The following MATR3 variants were observed in gnomAD, a reference collection of about 807,000 sequenced individuals.
MATR3 encodes matrin 3, also known as matrin-3.
A neutral mutation model predicts 85.5 loss-of-function variants in MATR3; 4 were observed. That is an observed-to-expected ratio of 0.05 (90% CI 0.02 to 0.11). The LOEUF (loss-of-function observed/expected upper bound fraction) is 0.11, where lower values mean the gene tolerates loss of function less well. Ranked by LOEUF, MATR3 falls within the 10% of genes least tolerant of loss-of-function variation. MATR3 has a pLI of 1.00. For missense variants in MATR3, 685 were observed against 1,016.1 expected (o/e 0.67, Z 4.43); for synonymous variants, 336 against 343.1 (o/e 0.98, Z 0.23).
At chr5:139,286,401 A>G (rs560209416) in intron 3 of MATR3, among the ~76,000 whole-genome samples, 1 of 151,828 alleles carries the variant, frequency 6.6e-6, no homozygotes, top group Admixed American at 6.5e-5. Flanking sequence ...GCTGGTCTCG[A>G]ACTGCCCTCA....
Position 139,317,447 on chromosome 5 carries a change from A to G in MATR3, c.1183-149A>G, listed in dbSNP as rs2151990100. The G allele has an allele frequency of 2.5e-6, 2 of 786,256 alleles. 1 individual carries two copies. The highest frequency in any genetic ancestry group is 5.3e-5 in the East Asian group (2 of 37,662). The allele number at this position is 786,256 out of a possible 1,614,324, so 48.7% of individuals were successfully genotyped here. ...AAGAACTTACCCAGTGACGTTTGAT[A>G]TGTAGCTTTAAAATTCTCTAGAATG... On this transcript the variant is annotated intron_variant, in intron 6 of 14. Coordinates refer to ENST00000394805, the MANE Select transcript of MATR3 (RefSeq NM_018834.6).
Position 139,321,478 on chromosome 5 carries a change from CTG to C in MATR3, c.1603-417_1603-416del, listed in dbSNP as rs773655018. 2.9e-4 allele frequency among the ~76,000 whole-genome samples: 44 copies of C among 150,698 alleles called. 1 individual carries two copies. The highest frequency in any genetic ancestry group is 2.3e-3 in the Admixed American group (35 of 15,072). Reference sequence around the variant, plus strand: ...CCTGATATTCAGTGAATTTTTAACTCTGTGCTAAAGATTAAAATTTTTAGCCG... The same window carrying C: ...CCTGATATTCAGTGAATTTTTAACTCTGCTAAAGATTAAAATTTTTAGCCG... On this transcript the variant is annotated intron_variant, in intron 9 of 14. Coordinates refer to ENST00000394805, the MANE Select transcript of MATR3 (RefSeq NM_018834.6).
chr5:139,293,942 T>G (rs1753987366), intron 1 of MATR3, 137 bp downstream of exon 1: 5 of 1,210,526 alleles, frequency 4.1e-6, no homozygotes, highest in Non-Finnish European at 5.2e-6. Flanking sequence ...TCTGCCTCCC[T>G]CCGCGTTGCG....
At chr5:139,302,222 C>G (rs989855531) in intron 1 of MATR3, among the ~76,000 whole-genome samples, 3 of 152,122 alleles carry the variant, frequency 2.0e-5, no homozygotes, top group Admixed American at 6.5e-5. Context: ...CTCGGCCTCC[C>G]AAAGTGCAGG....
At position 139,320,479 on chromosome 5, in the gene MATR3, G is replaced by A. The variant is rs138347173; in HGVS notation, c.1602+978G>A. Among the ~76,000 whole-genome samples, 36 of 152,164 alleles carry A rather than the reference G, an allele frequency of 2.4e-4. No individual in the cohort carries two copies. The East Asian group carries it at 6.8e-3, about 29-fold the overall frequency. Reference sequence around the variant, plus strand: ...TTTAACCAGGCAAAGTGGCATGCTCGTACAGTTTTAGCTACGGGAGTCTGA... The same window carrying A: ...TTTAACCAGGCAAAGTGGCATGCTCATACAGTTTTAGCTACGGGAGTCTGA... On this transcript the variant is annotated intron_variant, in intron 9 of 14. Coordinates refer to ENST00000394805, the MANE Select transcript of MATR3 (RefSeq NM_018834.6).
chr5:139,327,434 T>C (rs1755911107), intron 14 of MATR3, among the ~76,000 whole-genome samples: 1 of 152,204 alleles, frequency 6.6e-6, no homozygotes, highest in Non-Finnish European at 1.5e-5. Flanking sequence ...TTTATTTTAT[T>C]TTTTTGAGAC....
intron 10 of MATR3, 87 bp from the exon 11 acceptor site, chr5:139,322,376 T>C: frequency 8.2e-7 from 1 of 1,222,626 alleles, no homozygotes; most frequent in Non-Finnish European, 1.2e-6. Flanking sequence ...GCTGAGTTGA[T>C]TATAGGGATT....
intron 3 of MATR3, 108 bp from the exon 4 acceptor site, chr5:139,315,589 C>T: frequency 2.7e-6 from 2 of 751,772 alleles, no homozygotes; most frequent in Non-Finnish European, 4.8e-6. Flanking sequence ...AACACTTAGA[C>T]TCTCAGATAA....
At position 139,278,053 on chromosome 5, in the gene MATR3, GATCTC is replaced by G. The variant is rs111699103; in HGVS notation, c.-256-992_-256-988del. ...GAGACAAGCCTGGGCAACAGAAAGA[GATCTC>G]ATCTCTATAAAAAACAAAAAAGAAA... On this transcript the variant is annotated intron_variant, in intron 2 of 16. Transcript: ENST00000509990. 4.5e-3 allele frequency among the ~76,000 whole-genome samples: 683 copies of G among 151,850 alleles called. 4 individuals carry two copies. Among genetic ancestry groups the G allele is most frequent in the African/African-American group, 0.016 (647 of 41,396 alleles).
chr5:139,321,854 G>T (rs202152239), intron 9 of MATR3, 44 bp from the exon 10 acceptor site: 2 of 1,597,566 alleles, frequency 1.3e-6, no homozygotes, highest in South Asian at 2.2e-5. Context: ...ATACAATTTT[G>T]TAAAATATAA....
At position 139,317,644 on chromosome 5, in the gene MATR3, T is replaced by C; in HGVS notation, c.1231T>C (p.Leu411=). The change falls in exon 7 of 15, where the codon TTG becomes CTG. Residue 411 remains leucine (L), a synonymous_variant. Transcript: ENST00000394805. ...HIMDFQRGKN[L]RYQLLQLVEP... ...CATGGATTTTCAACGAGGGAAAAAC[T>C]TGAGATACCAGCTATTACAGCTGGT... 1 of 1,611,910 alleles carries C rather than the reference T, an allele frequency of 6.2e-7. No individual in the cohort carries two copies. Among genetic ancestry groups the C allele is most frequent in the Admixed American group, 1.7e-5 (1 of 60,032 alleles).
chr5:139,320,914 ATTT>A (rs5871694), intron 9 of MATR3, among the ~76,000 whole-genome samples: 8 of 118,188 alleles, frequency 6.8e-5, no homozygotes, highest in Admixed American at 8.6e-5. Context: ...CGCCTGGCTA[ATTT>A]TTTTTTTTTT....
In MATR3 at chr5:139,331,237, T is replaced by G. The variant is rs1171887732; in HGVS notation, c.*1842T>G. On this transcript the variant is annotated 3_prime_UTR_variant, in exon 15 of 15. Coordinates refer to ENST00000394805, the MANE Select transcript of MATR3 (RefSeq NM_018834.6). ...CCCGTTGAAAAGTAGGTGATGATTT[T>G]AATGTGACATGCACAAAAAATCCTT... The G allele has an allele frequency of 4.4e-6, 2 of 454,062 alleles. No homozygotes were observed. The highest frequency in any genetic ancestry group is 1.4e-4 in the East Asian group (2 of 14,412). The allele number at this position is 454,062 out of a possible 1,614,324, so 28.1% of individuals were successfully genotyped here.
At chr5:139,304,431 C>CAG (rs527594182) in intron 1 of MATR3, among the ~76,000 whole-genome samples, 163 of 149,620 alleles carry the variant, frequency 1.1e-3, no homozygotes, top group African/African-American at 3.9e-3. Context: ...ACCTAGGAGG[C>CAG]AGAGGTTGCA....
At chr5:139,316,544 C>T (rs988195902) in intron 5 of MATR3, among the ~76,000 whole-genome samples, 21 of 151,970 alleles carry the variant, frequency 1.4e-4, no homozygotes, top group Non-Finnish European at 3.1e-4. Context: ...TGTGCCAGGC[C>T]GCAAATTTTA....
intron 1 of MATR3, among the ~76,000 whole-genome samples, chr5:139,303,152 A>G (rs1403106867): frequency 6.6e-6 from 1 of 151,892 alleles, no homozygotes; most frequent in Non-Finnish European, 1.5e-5. Flanking sequence ...CCCAGGCTGG[A>G]GTGCAGTGCC....
intron 3 of MATR3, chr5:139,279,933 A>G (rs1468101524): frequency 1.3e-5 from 2 of 152,238 alleles, no homozygotes; most frequent in Admixed American, 6.5e-5. Flanking sequence ...TCTTAATCTC[A>G]GAATCTGGCT....
intron 3 of MATR3, among the ~76,000 whole-genome samples, chr5:139,282,493 AGT>A (rs1273468955): frequency 6.6e-6 from 1 of 152,214 alleles, no homozygotes; most frequent in East Asian, 1.9e-4. Flanking sequence ...TCATTGGGAA[AGT>A]ACAGTAAAAA....
chr5:139,290,676 T>C (rs1753844855), upstream of MATR3, among the ~76,000 whole-genome samples: 1 of 151,914 alleles, frequency 6.6e-6, no homozygotes, highest in Non-Finnish European at 1.5e-5. Context: ...TCTTGAACTT[T>C]CTGGCCTCAA....
Sources: allele counts gnomAD v4.1 joint callset (sites outside exome capture counted in the v4.1 genomes callset), GRCh38; gene constraint gnomAD v4.1.1; transcripts MANE v1.5; gene names NCBI Gene and HGNC (gene_info 2026-07-23, HGNC 2026-07-21).